ASXL3: variants seen among roughly 807,000 people sequenced by gnomAD.
The protein encoded by ASXL3 is putative Polycomb group protein ASXL3.
A neutral mutation model predicts 170.6 loss-of-function variants in ASXL3; 34 were observed. The ratio of observed to expected loss-of-function variants is 0.20; its 90% CI spans 0.15 to 0.27. The LOEUF (loss-of-function observed/expected upper bound fraction) is 0.27, where lower values mean the gene tolerates loss of function less well. Ranked by LOEUF, ASXL3 falls within the 10% of genes least tolerant of loss-of-function variation. ASXL3 has a pLI of 1.00. For missense variants in ASXL3, 2,592 were observed against 2,695.3 expected, an observed-to-expected ratio of 0.96 and a Z score of 0.85; for synonymous variants, 1,002 against 989.1, an observed-to-expected ratio of 1.01 and a Z score of -0.24.
chr18:33,580,622 T>C (rs552288622), intron 1 of ASXL3, among the ~76,000 whole-genome samples: 8 of 152,238 alleles, frequency 5.3e-5, no homozygotes, highest in Non-Finnish European at 1.2e-4. Context: ...TTGAAGGTAC[T>C]GTGTTTTATT....
intron 8 of ASXL3, 55 bp downstream of exon 8, chr18:33,683,623 T>C: frequency 6.7e-7 from 1 of 1,502,180 alleles, no homozygotes; most frequent in Non-Finnish European, 9.0e-7. Context: ...TATGATGAAG[T>C]GGAAGGTCTA....
intron 11 of ASXL3, among the ~76,000 whole-genome samples, chr18:33,742,571 C>T (rs765366301): frequency 6.6e-6 from 1 of 152,082 alleles, no homozygotes; most frequent in Non-Finnish European, 1.5e-5. Flanking sequence ...TTCTTTTTAG[C>T]CTACTACACT....
chr18:33,651,908 A>G (rs904901079), intron 4 of ASXL3, among the ~76,000 whole-genome samples: 1 of 152,074 alleles, frequency 6.6e-6, no homozygotes, highest in Admixed American at 6.6e-5. Context: ...AAATTTTACA[A>G]TGTAGGAAAA....
Position 33,745,896 on chromosome 18 carries a change from T to TCCG in ASXL3, c.6057_6059dup (p.Pro2028dup). 6.2e-7 allele frequency: 1 copy of TCCG among 1,611,022 alleles called. No homozygotes were observed. The highest frequency in any genetic ancestry group is 8.5e-7 in the Non-Finnish European group (1 of 1,179,538). On this transcript the variant is annotated inframe_insertion, in exon 12 of 12. Transcript: ENST00000269197. The stretch of plus-strand genomic sequence containing the variant: ...CAATGCCAAACAAAGCACTAGTACA[T>TCCG]CCGCCGCCGCCACCGCCTCCCCCTC...
intron 5 of ASXL3, among the ~76,000 whole-genome samples, chr18:33,663,028 T>C (rs1324916071): frequency 6.6e-6 from 1 of 152,206 alleles, no homozygotes; most frequent in African/African-American, 2.4e-5. Context: ...GTAGTAACAG[T>C]ATTTCACCCT....
At chr18:33,630,657 G>C (rs572362913) in intron 2 of ASXL3, among the ~76,000 whole-genome samples, 92 of 152,034 alleles carry the variant, frequency 6.1e-4, no homozygotes, top group Non-Finnish European at 1.1e-3. Context: ...GCAAAATGCT[G>C]AGCTGAATTC....
intron 2 of ASXL3, among the ~76,000 whole-genome samples, chr18:33,642,024 A>T (rs2065853680): frequency 6.6e-6 from 1 of 152,026 alleles, no homozygotes; most frequent in Non-Finnish European, 1.5e-5. Context: ...AATTCTATCT[A>T]AGAGTACAGA....
At chr18:33,678,838 CCT>C (rs2066471931) in intron 7 of ASXL3, among the ~76,000 whole-genome samples, 1 of 152,138 alleles carries the variant, frequency 6.6e-6, no homozygotes, top group African/African-American at 2.4e-5. Context: ...AATTAAACAT[CCT>C]CTGTGGCAAC....
At chr18:33,702,899 C>T (rs1252475666) in intron 8 of ASXL3, among the ~76,000 whole-genome samples, 1 of 152,092 alleles carries the variant, frequency 6.6e-6, no homozygotes, top group Non-Finnish European at 1.5e-5. Context: ...TTATAATCTG[C>T]TTTGATATCA....
chr18:33,727,398 G>GT (rs1349756239), intron 8 of ASXL3, among the ~76,000 whole-genome samples: 3 of 152,104 alleles, frequency 2.0e-5, no homozygotes, highest in African/African-American at 4.8e-5. Flanking sequence ...AAGGAGGAAA[G>GT]TTTATTTAAA....
At chr18:33,663,964 C>G (rs1941700) in intron 5 of ASXL3, among the ~76,000 whole-genome samples, 69,712 of 151,810 alleles carry the variant, frequency 0.46, 16,737 homozygotes, top group East Asian at 0.79. Context: ...TACATATGAT[C>G]TGTGTTTGTG....
At chr18:33,735,620 C>G (rs1599558787) in intron 10 of ASXL3, among the ~76,000 whole-genome samples, 1 of 152,068 alleles carries the variant, frequency 6.6e-6, no homozygotes, top group African/African-American at 2.4e-5. Context: ...TGCTGATGCC[C>G]AGCAGGATTA....
intron 8 of ASXL3, among the ~76,000 whole-genome samples, chr18:33,685,951 G>A (rs1354345123): frequency 6.6e-6 from 1 of 152,168 alleles, no homozygotes; most frequent in African/African-American, 2.4e-5. Context: ...CATGAGGTTT[G>A]GAAGGGACAA....
intron 8 of ASXL3, among the ~76,000 whole-genome samples, chr18:33,692,392 C>G (rs1278409568): frequency 2.0e-5 from 3 of 152,086 alleles, no homozygotes; most frequent in Non-Finnish European, 4.4e-5. Context: ...CTTTCTGTTC[C>G]TCAAACCCAA....
At chr18:33,603,199 G>A (rs2065203371) in intron 1 of ASXL3, among the ~76,000 whole-genome samples, 1 of 152,080 alleles carries the variant, frequency 6.6e-6, no homozygotes, top group Non-Finnish European at 1.5e-5. Flanking sequence ...GGTCTAATGT[G>A]TTGATCTTAG....
intron 5 of ASXL3, among the ~76,000 whole-genome samples, chr18:33,669,617 C>CA (rs78883185): frequency 0.082 from 12,455 of 152,182 alleles, 579 homozygotes; most frequent in African/African-American, 0.1. Flanking sequence ...AATAAAAGGA[C>CA]ATCGTTTTTT....
At position 33,670,802 on chromosome 18, in the gene ASXL3, A is replaced by G; in HGVS notation, c.595+12A>G. The stretch of plus-strand genomic sequence containing the variant: ...GGATTCGCCTTCAGGTAAAGAGCTG[A>G]AATATCATATGCTTGGCCAGTTTCT... On this transcript the variant is annotated intron_variant, in intron 6 of 11. Transcript: ENST00000269197. 1 of 1,503,954 alleles carries G rather than the reference A, an allele frequency of 6.6e-7. No individual in the cohort carries two copies. The highest frequency in any genetic ancestry group is 9.0e-7 in the Non-Finnish European group (1 of 1,112,792). 93.2% of individuals were successfully genotyped at this position (1,503,954 alleles called of 1,614,324 possible). A position where few individuals can be genotyped will look rare whatever the true frequency, so the allele number is the denominator to read the frequency against.
intron 8 of ASXL3, among the ~76,000 whole-genome samples, chr18:33,729,003 C>T (rs1175664949): frequency 6.6e-6 from 1 of 152,062 alleles, no homozygotes; most frequent in African/African-American, 2.4e-5. Context: ...ACCTGGAGGC[C>T]ACTAACCTGG....
intron 7 of ASXL3, among the ~76,000 whole-genome samples, chr18:33,678,660 C>G (rs903873306): frequency 1.3e-5 from 2 of 152,184 alleles, no homozygotes; most frequent in African/African-American, 4.8e-5. Flanking sequence ...CTACCTCAGA[C>G]CCTCTAGGCT....
Sources: allele counts gnomAD v4.1 joint callset (sites outside exome capture counted in the v4.1 genomes callset), GRCh38; gene constraint gnomAD v4.1.1; transcripts MANE v1.5; gene names NCBI Gene and HGNC (gene_info 2026-07-23, HGNC 2026-07-21).